The following SVEP1 variants were observed in gnomAD, a reference collection of about 807,000 sequenced individuals.
SVEP1 encodes sushi, von Willebrand factor type A, EGF and pentraxin domain containing 1.
A neutral mutation model predicts 367.3 loss-of-function variants in SVEP1; 164 were observed. The observed-to-expected ratio is 0.45, with a 90% CI of 0.39 to 0.51. The LOEUF (loss-of-function observed/expected upper bound fraction) is 0.51. SVEP1 is among the 20% of genes least tolerant of loss of function. The pLI, the probability that SVEP1 is intolerant of heterozygous loss-of-function variation, is 0.00. For missense variants in SVEP1, 4,117 were observed against 4,425.3 expected (o/e 0.93, Z 1.98); for synonymous variants, 1,666 against 1,611.6 (o/e 1.03, Z -0.81).
chr9:110,483,000 A>T (rs2118707109), intron 10 of SVEP1, among the ~76,000 whole-genome samples: 1 of 150,876 alleles, frequency 6.6e-6, no homozygotes, highest in East Asian at 1.9e-4. Flanking sequence ...GCTTTTTTTG[A>T]CAAACAACTG....
chr9:110,451,425 GA>G, intron 22 of SVEP1, 23 bp from the exon 23 acceptor site: 1 of 1,595,592 alleles, frequency 6.3e-7, no homozygotes, highest in Non-Finnish European at 8.6e-7. Flanking sequence ...ATTCATCTTT[GA>G]GCTGGAGAAA....
intron 36 of SVEP1, 93 bp from the exon 37 acceptor site, chr9:110,411,828 T>A (rs1019472710): frequency 1.7e-6 from 2 of 1,175,504 alleles, no homozygotes; most frequent in Non-Finnish European, 2.3e-6. Flanking sequence ...TTTCCCACAA[T>A]GACTTTAAAT....
At chr9:110,458,263 T>C (rs1828807569) in intron 20 of SVEP1, 3 of 616,802 alleles carry the variant, frequency 4.9e-6, no homozygotes, top group Non-Finnish European at 8.6e-6. Context: ...GGAAAAACTC[T>C]CATTTTTGGT....
chr9:110,531,231 T>C (rs1830014089), intron 3 of SVEP1, among the ~76,000 whole-genome samples: 1 of 152,200 alleles, frequency 6.6e-6, no homozygotes, highest in South Asian at 2.1e-4. Context: ...TATAACTTGT[T>C]CTATAGCTCA....
At position 110,483,678 on chromosome 9, in the gene SVEP1, A is replaced by G; in HGVS notation, c.1946T>C (p.Val649Ala). The G allele has an allele frequency of 6.2e-7, 1 of 1,602,608 alleles. No homozygotes were observed. The highest frequency in any genetic ancestry group is 2.3e-5 in the East Asian group (1 of 44,440). ...HIKVIDAEPP[V>A]IDWCRSPPPV... ...AGGTGGAGATCTGCACCAGTCTATG[A>G]CAGGTGGTTCTGCATCTGAAGAACA... The change falls in exon 10 of 48, where the codon GTC becomes GCC. Residue 649 changes from valine to alanine, a missense_variant. By Grantham distance (64) the Val-to-Ala change is moderately conservative. Coordinates refer to ENST00000374469, the MANE Select transcript of SVEP1 (RefSeq NM_153366.4).
At chr9:110,465,773 G>A (rs1464880716) in intron 18 of SVEP1, 92 bp downstream of exon 18, 1 of 1,427,210 alleles carries the variant, frequency 7.0e-7, no homozygotes, top group African/African-American at 1.4e-5. Flanking sequence ...TGTGCATAGA[G>A]TAGATGTATG....
At chr9:110,467,738 C>T (rs968904342) in intron 17 of SVEP1, among the ~76,000 whole-genome samples, 4 of 151,546 alleles carry the variant, frequency 2.6e-5, no homozygotes, top group Non-Finnish European at 4.4e-5. Context: ...CGGGCTCAAG[C>T]AATCCTCCCA....
intron 40 of SVEP1, among the ~76,000 whole-genome samples, chr9:110,392,140 T>C (rs1168431405): frequency 3.4e-5 from 5 of 147,294 alleles, no homozygotes; most frequent in Non-Finnish European, 7.4e-5. Flanking sequence ...TCATTATATA[T>C]ATATATATAT....
chr9:110,557,942 A>G (rs1021798985), intron 1 of SVEP1, among the ~76,000 whole-genome samples: 7 of 152,180 alleles, frequency 4.6e-5, no homozygotes. Context: ...GTAGCCACAT[A>G]TGGCTATTGA....
chr9:110,555,507 A>G (rs1830345438), intron 1 of SVEP1, among the ~76,000 whole-genome samples: 1 of 152,188 alleles, frequency 6.6e-6, no homozygotes, highest in African/African-American at 2.4e-5. Context: ...GCTATTTTTA[A>G]TATTAATGTA....
chr9:110,499,188 G>T lies in SVEP1; in HGVS notation c.1534C>A (p.His512Asn), dbSNP rs770393458. 1.2e-6 allele frequency: 2 copies of T among 1,613,322 alleles called. No individual in the cohort carries two copies. Among genetic ancestry groups the T allele is most frequent in the African/African-American group, 2.7e-5 (2 of 74,882 alleles). ...QMPKDVIISP[H>N]NCGKQPAKFG... The stretch of plus-strand genomic sequence containing the variant: ...TTGGCTGGCTGCTTGCCACAGTTGT[G>T]GGGGGATATGATGACATCTTTGGGC... Residue 512 changes from histidine (H) to asparagine (N), a missense_variant, in exon 7 of 48, where the codon CAC becomes AAC. Coordinates refer to ENST00000374469, the MANE Select transcript of SVEP1 (RefSeq NM_153366.4).
At chr9:110,383,428 A>C (rs1458022655) in intron 43 of SVEP1, among the ~76,000 whole-genome samples, 2 of 152,176 alleles carry the variant, frequency 1.3e-5, no homozygotes, top group African/African-American at 4.8e-5. Flanking sequence ...AACAGCAAAG[A>C]TGGCTGCCTG....
intron 10 of SVEP1, among the ~76,000 whole-genome samples, chr9:110,482,856 A>T (rs986850541): frequency 2.6e-5 from 4 of 152,130 alleles, no homozygotes; most frequent in African/African-American, 9.7e-5. Flanking sequence ...CTCTTATTTA[A>T]TTTGAAGTTT....
chr9:110,386,157 T>TA (rs1481375119), intron 42 of SVEP1, 83 bp from the exon 43 acceptor site: 2 of 1,442,206 alleles, frequency 1.4e-6, no homozygotes, highest in Admixed American at 2.2e-5. Context: ...AGTAGTCCTA[T>TA]AAGAGATGGG....
At chr9:110,489,056 T>A (rs1208784283) in intron 9 of SVEP1, among the ~76,000 whole-genome samples, 2 of 152,038 alleles carry the variant, frequency 1.3e-5, no homozygotes, top group African/African-American at 4.8e-5. Context: ...CAGAAAGACA[T>A]GGCAAGCATT....
intron 36 of SVEP1, among the ~76,000 whole-genome samples, chr9:110,423,135 A>AT (rs1828190759): frequency 1.6e-5 from 2 of 125,230 alleles, no homozygotes; most frequent in East Asian, 4.2e-4. Context: ...AATAATAATA[A>AT]TAAAAAAAAA....
chr9:110,425,522 A>G (rs1828240462), intron 36 of SVEP1, among the ~76,000 whole-genome samples: 1 of 152,220 alleles, frequency 6.6e-6, no homozygotes, highest in Non-Finnish European at 1.5e-5. Context: ...TGTCTTAGCT[A>G]TAAAGTGGGA....
intron 3 of SVEP1, among the ~76,000 whole-genome samples, chr9:110,522,113 G>A (rs548958896): frequency 6.6e-6 from 1 of 152,038 alleles, no homozygotes; most frequent in African/African-American, 2.4e-5. Context: ...TTTTCACTGG[G>A]TATTAGCAGT....
intron 46 of SVEP1, among the ~76,000 whole-genome samples, chr9:110,370,863 T>C (rs923327651): frequency 1.3e-5 from 2 of 152,208 alleles, no homozygotes; most frequent in Non-Finnish European, 2.9e-5. Context: ...ACCATTCCAA[T>C]ATCTGTAGCA....
Sources: allele counts gnomAD v4.1 joint callset (sites outside exome capture counted in the v4.1 genomes callset), GRCh38; gene constraint gnomAD v4.1.1; transcripts MANE v1.5; gene names NCBI Gene and HGNC (gene_info 2026-07-23, HGNC 2026-07-21).